COL25A1: variants seen among roughly 807,000 people sequenced by gnomAD.
The protein encoded by COL25A1 is collagen alpha-1(XXV) chain.
Under a neutral mutation model 128.4 loss-of-function variants are expected in COL25A1, and 103 were observed. That is an observed-to-expected ratio of 0.80 (90% CI 0.68 to 0.94). The LOEUF (loss-of-function observed/expected upper bound fraction) is 0.94. Among genes scored for constraint, COL25A1 ranks in the 40% least tolerant of loss-of-function variants. The probability of loss-of-function intolerance (pLI) is 0.00; values close to 1 mark genes in which losing one functional copy is unlikely to be tolerated. For missense variants in COL25A1, 745 were observed against 840.0 expected, an observed-to-expected ratio of 0.89 and a Z score of 1.40; for synonymous variants, 279 against 277.2, an observed-to-expected ratio of 1.01 and a Z score of -0.06.
At chr4:109,235,678 T>G (rs1307893722) in intron 3 of COL25A1, among the ~76,000 whole-genome samples, 1 of 151,994 alleles carries the variant, frequency 6.6e-6, no homozygotes, top group Admixed American at 6.6e-5. Context: ...TGGCAATATA[T>G]GACAAAGAGG....
intron 12 of COL25A1, among the ~76,000 whole-genome samples, chr4:108,919,088 G>A (rs1228863459): frequency 6.6e-6 from 1 of 152,058 alleles, no homozygotes; most frequent in African/African-American, 2.4e-5. Context: ...CTAGAAAACA[G>A]ATTTTTCTGA....
intron 3 of COL25A1, among the ~76,000 whole-genome samples, chr4:109,162,166 T>A (rs1011894770): frequency 2.6e-5 from 4 of 152,200 alleles, no homozygotes; most frequent in Non-Finnish European, 5.9e-5. Flanking sequence ...AGGGGAAATA[T>A]ATCAGGAAAG....
At chr4:108,910,615 C>T (rs898182695) in intron 13 of COL25A1, among the ~76,000 whole-genome samples, 2 of 152,180 alleles carry the variant, frequency 1.3e-5, no homozygotes, top group African/African-American at 4.8e-5. Context: ...CACTCTCGAC[C>T]ACTACTATGC....
At chr4:109,272,079 T>C (rs1393733872) in intron 3 of COL25A1, among the ~76,000 whole-genome samples, 1 of 151,608 alleles carries the variant, frequency 6.6e-6, no homozygotes, top group Non-Finnish European at 1.5e-5. Context: ...CTACAAAAAA[T>C]ACAAAAATTA....
chr4:109,004,528 TC>T (rs1755782534), intron 6 of COL25A1, among the ~76,000 whole-genome samples: 1 of 152,062 alleles, frequency 6.6e-6, no homozygotes, highest in South Asian at 2.1e-4. Context: ...TGAAATGTAA[TC>T]CCTAGAGTTG....
intron 3 of COL25A1, among the ~76,000 whole-genome samples, chr4:109,234,517 T>C (rs1175010453): frequency 6.6e-6 from 1 of 151,994 alleles, no homozygotes; most frequent in East Asian, 1.9e-4. Flanking sequence ...TCTTTCTCTC[T>C]CCCCTCCCCC....
chr4:109,137,984 A>ATATGTGTGTG (rs547874075), intron 3 of COL25A1, among the ~76,000 whole-genome samples: 2,169 of 142,504 alleles, frequency 0.015, 22 homozygotes, highest in East Asian at 0.023. Flanking sequence ...TTATATATAT[A>ATATGTGTGTG]TGTGTGTGTG....
intron 35 of COL25A1, among the ~76,000 whole-genome samples, chr4:108,822,696 G>A: frequency 6.6e-6 from 1 of 152,110 alleles, no homozygotes; most frequent in Middle Eastern, 3.2e-3. Flanking sequence ...AAAGCACTGG[G>A]ATTATAGGCA....
intron 5 of COL25A1, among the ~76,000 whole-genome samples, chr4:109,013,513 C>T (rs1756887803): frequency 1.9e-5 from 1 of 52,898 alleles, no homozygotes; most frequent in Non-Finnish European, 2.9e-5. Flanking sequence ...TTCTTTCACT[C>T]TTTGCAATAA....
At chr4:109,260,966 C>T (rs957937543) in intron 3 of COL25A1, among the ~76,000 whole-genome samples, 9 of 151,946 alleles carry the variant, frequency 5.9e-5, no homozygotes, top group Admixed American at 4.6e-4. Flanking sequence ...CTATAGATTA[C>T]AAGAATGATA....
At chr4:108,954,521 A>G (rs950019576) in intron 8 of COL25A1, among the ~76,000 whole-genome samples, 3 of 152,014 alleles carry the variant, frequency 2.0e-5, no homozygotes, top group Non-Finnish European at 4.4e-5. Flanking sequence ...ATGCTTCCAA[A>G]TTTAGATAAT....
chr4:108,886,174 C>T (rs1411428614), intron 18 of COL25A1, among the ~76,000 whole-genome samples: 2 of 152,112 alleles, frequency 1.3e-5, no homozygotes, highest in African/African-American at 2.4e-5. Flanking sequence ...TTTCATATTT[C>T]ATAATTTGAC....
At chr4:108,823,799 C>T in intron 35 of COL25A1, 1 of 611,736 alleles carries the variant, frequency 1.6e-6, no homozygotes, top group Admixed American at 4.7e-5. Flanking sequence ...AAGTGAGATG[C>T]TGCCTTTGCA....
chr4:109,289,225 C>CT (rs1186966234), intron 3 of COL25A1, among the ~76,000 whole-genome samples: 2 of 152,058 alleles, frequency 1.3e-5, no homozygotes, highest in Non-Finnish European at 2.9e-5. Context: ...CATGCAAACT[C>CT]TGAGTATAAC....
rs776353655 is a variant in COL25A1, at chr4:109,048,172, G to C, written c.416C>G (p.Pro139Arg). Residue 139 changes from proline to arginine, a missense_variant, in exon 5 of 38, where the codon CCT becomes CGT. Around this residue, in one of 3 missense-constraint regions of COL25A1, gnomAD observed 319 missense variants for 324.9 expected, o/e 0.98. Coordinates refer to ENST00000399132, the MANE Select transcript of COL25A1 (RefSeq NM_198721.4). ...GKRGRRGESG[P>R]PGQPGPQGPP... ...AAGTGCAGCAAACATACTTACAGGA[G>C]GACCTATGGGGGGAGCAGGTGGAGA... The C allele has an allele frequency of 2.2e-5, 36 of 1,612,696 alleles. No individual in the cohort carries two copies. The highest frequency in any genetic ancestry group is 1.4e-5 in the Non-Finnish European group (16 of 1,178,980).
intron 3 of COL25A1, among the ~76,000 whole-genome samples, chr4:109,148,008 G>C (rs903570623): frequency 6.2e-4 from 95 of 152,236 alleles, no homozygotes; most frequent in Non-Finnish European, 3.7e-4. Context: ...TTTTAGACTG[G>C]TTGTTAGGGT....
intron 32 of COL25A1, among the ~76,000 whole-genome samples, chr4:108,828,269 C>G (rs905502167): frequency 1.1e-4 from 16 of 152,102 alleles, no homozygotes; most frequent in African/African-American, 3.9e-4. Flanking sequence ...TCCCGAGTAG[C>G]TGGGAGTACA....
chr4:109,070,995 C>G (rs2125982659), intron 3 of COL25A1, among the ~76,000 whole-genome samples: 1 of 152,178 alleles, frequency 6.6e-6, no homozygotes, highest in East Asian at 1.9e-4. Flanking sequence ...CCAAGACAAT[C>G]CTAAGCCAAA....
chr4:109,103,340 A>T (rs1766096556), intron 3 of COL25A1, among the ~76,000 whole-genome samples: 1 of 147,986 alleles, frequency 6.8e-6, no homozygotes, highest in Admixed American at 6.7e-5. Flanking sequence ...ATTCAGTGAG[A>T]CTGCAATCAA....
Sources: gnomAD v4.1 joint callset for allele counts (sites outside exome capture counted in the v4.1 genomes callset) on GRCh38, gnomAD v4.1.1 for gene constraint, gnomAD v4.1.1 regional missense constraint, MANE v1.5 for transcripts, NCBI Gene and HGNC (gene_info 2026-07-23, HGNC 2026-07-21) for gene names.